The following NTPCR variants were observed in gnomAD, a reference collection of about 807,000 sequenced individuals.
NTPCR encodes the protein nucleoside-triphosphatase, cancer-related.
A neutral mutation model predicts 19.5 loss-of-function variants in NTPCR; 15 were observed. That is an observed-to-expected ratio of 0.77 (90% CI 0.51 to 1.18). The LOEUF is 1.18. Ranked by LOEUF, NTPCR falls within the 50% of genes most tolerant of loss-of-function variation. The probability of loss-of-function intolerance (pLI) is 0.00; values close to 1 mark genes in which losing one functional copy is unlikely to be tolerated. For missense variants in NTPCR, 206 were observed against 240.4 expected, an observed-to-expected ratio of 0.86 and a Z score of 0.95; for synonymous variants, 90 against 95.8, an observed-to-expected ratio of 0.94 and a Z score of 0.36.
At chr1:232,977,592 C>T (rs1394775263) in intron 4 of NTPCR, 1 of 152,402 alleles carries the variant, frequency 6.6e-6, no homozygotes, top group Non-Finnish European at 1.5e-5. Flanking sequence ...GGAGAACACA[C>T]TGCAGTCAGG....
intron 3 of NTPCR, chr1:232,962,458 A>G (rs1266899545): frequency 3.3e-5 from 5 of 152,164 alleles, no homozygotes; most frequent in African/African-American, 9.7e-5. Context: ...CTGTTTTCTA[A>G]TGATCAAGGC....
At chr1:232,960,368 G>C (rs1668637638) in intron 3 of NTPCR, among the ~76,000 whole-genome samples, 1 of 149,532 alleles carries the variant, frequency 6.7e-6, no homozygotes, top group South Asian at 2.1e-4. Flanking sequence ...TTTTGAGACA[G>C]AGTCTTGCTC....
Position 232,962,390 on chromosome 1 carries a change from G to A in NTPCR, c.294+5947G>A, listed in dbSNP as rs140676681. 2.5e-3 allele frequency: 376 copies of A among 152,256 alleles called. 4 individuals are homozygous for A. Among genetic ancestry groups the A allele is most frequent in the African/African-American group, 8.7e-3 (361 of 41,528 alleles). 9.4% of individuals were successfully genotyped at this position (152,256 alleles called of 1,614,324 possible). A position where few individuals can be genotyped will look rare whatever the true frequency, so the allele number is the denominator to read the frequency against. The stretch of plus-strand genomic sequence containing the variant: ...CTGTTTCTTTAAAATTTTTATTGGT[G>A]AGGTTATTCATAGGGCTCTCCTATT... On this transcript the variant is annotated intron_variant, in intron 3 of 4. Coordinates refer to ENST00000366628, the MANE Select transcript of NTPCR (RefSeq NM_032324.3).
chr1:232,983,868 G>A lies in NTPCR; in HGVS notation c.*5637G>A, dbSNP rs1367131326. On this transcript the variant is annotated 3_prime_UTR_variant, in exon 5 of 5. Transcript: ENST00000366628. ...TTTCATGGTAACAGTAATGTATAAA[G>A]TGCCGATGATGTAACATGCAGTTGT... The A allele has an allele frequency of 6.5e-6, 1 of 154,320 alleles. No homozygotes were observed. Among genetic ancestry groups the A allele is most frequent in the African/African-American group, 2.4e-5 (1 of 41,556 alleles). 9.6% of individuals were successfully genotyped at this position (154,320 alleles called of 1,614,324 possible).
At chr1:232,969,340 A>G (rs1430009198) in intron 3 of NTPCR, 1 of 155,048 alleles carries the variant, frequency 6.4e-6, no homozygotes, top group Non-Finnish European at 1.4e-5. Flanking sequence ...ACAACCAGAA[A>G]ATAAGTGGCA....
rs996741001 is a variant in NTPCR, at chr1:232,967,217, C to T, written c.295-2692C>T. On this transcript the variant is annotated intron_variant, in intron 3 of 4. Coordinates refer to ENST00000366628, the MANE Select transcript of NTPCR (RefSeq NM_032324.3). ...TTTATATAGAAATAAAACCATGTTA[C>T]ACGTTATAGTGGTTCTTTTTTTAAG... 14 of 152,224 alleles carry T rather than the reference C, an allele frequency of 9.2e-5. 1 individual carries two copies. The highest frequency in any genetic ancestry group is 3.1e-4 in the African/African-American group (13 of 41,446). The allele number at this position is 152,224 out of a possible 1,614,324, so 9.4% of individuals were successfully genotyped here.
chr1:232,952,613 CCAT>C (rs367949949), intron 1 of NTPCR, among the ~76,000 whole-genome samples: 6 of 152,194 alleles, frequency 3.9e-5, no homozygotes, highest in African/African-American at 1.2e-4. Flanking sequence ...CAGGCTCAAA[CCAT>C]CTTCCCACCT....
intron 4 of NTPCR, among the ~76,000 whole-genome samples, chr1:232,972,677 T>C (rs1484660823): frequency 1.3e-5 from 2 of 150,266 alleles, no homozygotes; most frequent in Non-Finnish European, 3.0e-5. Context: ...TCTGCCTGCC[T>C]CAGCCTCTCA....
chr1:232,955,518 T>A lies in NTPCR; in HGVS notation c.35-39T>A, dbSNP rs1042114640. On this transcript the variant is annotated intron_variant, in intron 1 of 4. Transcript: ENST00000366628. ...GCTCTAGTAAGGGAATGTTTCCTAA[T>A]GGGCTTTTCTTCTTTTTTTTTTTTT... 3.4e-6 allele frequency: 5 copies of A among 1,477,160 alleles called. No individual in the cohort carries two copies. The African/African-American group carries it at 4.3e-5, about 13-fold the overall frequency. The allele number at this position is 1,477,160 out of a possible 1,614,324, so 91.5% of individuals were successfully genotyped here.
intron 3 of NTPCR, among the ~76,000 whole-genome samples, chr1:232,959,627 A>T (rs918179181): frequency 4.6e-5 from 7 of 152,192 alleles, no homozygotes; most frequent in African/African-American, 1.7e-4. Context: ...GAGTATAAAC[A>T]CACCATTTTT....
chr1:232,969,568 GA>G (rs879258457), intron 3 of NTPCR: 12 of 222,754 alleles, frequency 5.4e-5, no homozygotes, highest in East Asian at 2.7e-4. Flanking sequence ...GGCTAAAGGG[GA>G]AAAAAAAGTA....
intron 3 of NTPCR, among the ~76,000 whole-genome samples, chr1:232,958,351 G>A (rs1668569604): frequency 6.6e-6 from 1 of 152,206 alleles, no homozygotes; most frequent in Admixed American, 6.5e-5. Flanking sequence ...ACATATGCCA[G>A]GCTGAGGCCC....
At chr1:232,974,614 AC>A (rs1401369803) in intron 4 of NTPCR, among the ~76,000 whole-genome samples, 5 of 152,228 alleles carry the variant, frequency 3.3e-5, no homozygotes, top group African/African-American at 9.6e-5. Flanking sequence ...ACCTCCTATT[AC>A]CTAGTAAAGC....
In NTPCR at chr1:232,955,965, C is replaced by T. The variant is rs950878850; in HGVS notation, c.197+246C>T. On this transcript the variant is annotated intron_variant, in intron 2 of 4. Coordinates refer to ENST00000366628, the MANE Select transcript of NTPCR (RefSeq NM_032324.3). ...CTCAGAGAAAGAAAACAGAATGAAA[C>T]CATCACATGAAAAAAGTATAAGAAA... Among the ~76,000 whole-genome samples the T allele has an allele frequency of 3.9e-5, 6 of 152,096 alleles. No individual in the cohort carries two copies. The East Asian group carries it at 1.2e-3, about 29-fold the overall frequency.
intron 3 of NTPCR, among the ~76,000 whole-genome samples, chr1:232,960,443 A>G (rs992660569): frequency 1.3e-5 from 2 of 151,402 alleles, no homozygotes; most frequent in Non-Finnish European, 2.9e-5. Flanking sequence ...TCCAGGGTTC[A>G]AGCGATTCTT....
In NTPCR at chr1:232,975,088, T is replaced by C. The variant is rs1669090278; in HGVS notation, c.505-3075T>C. Among the ~76,000 whole-genome samples, 2 of 152,260 alleles carry C rather than the reference T, an allele frequency of 1.3e-5. 1 individual carries two copies. Among genetic ancestry groups the C allele is most frequent in the South Asian group, 4.1e-4 (2 of 4,836 alleles). On this transcript the variant is annotated intron_variant, in intron 4 of 4. Coordinates refer to ENST00000366628, the MANE Select transcript of NTPCR (RefSeq NM_032324.3). ...TAATGTCATAACATTGAAAATGTTATCAACAACTTTAGTTCTTTTTCAAGC... is the reference window on the plus strand; with the variant it reads ...TAATGTCATAACATTGAAAATGTTACCAACAACTTTAGTTCTTTTTCAAGC...
chr1:232,969,879 T>C, intron 3 of NTPCR, 30 bp from the exon 4 acceptor site: 2 of 1,583,280 alleles, frequency 1.3e-6, no homozygotes, highest in Admixed American at 1.7e-5. Context: ...GTGACTCTGA[T>C]GTCCCAGTGA....
Position 232,978,548 on chromosome 1 carries a change from A to C in NTPCR, c.*317A>C. 4.7e-6 allele frequency: 1 copy of C among 214,172 alleles called. No individual in the cohort carries two copies. The highest frequency in any genetic ancestry group is 1.1e-4 in the East Asian group (1 of 9,388). The allele number at this position is 214,172 out of a possible 1,614,324, so 13.3% of individuals were successfully genotyped here. A position where few individuals can be genotyped will look rare whatever the true frequency, so the allele number is the denominator to read the frequency against. On this transcript the variant is annotated 3_prime_UTR_variant, in exon 5 of 5. Transcript: ENST00000366628. ...GTTTTCAGAGTATTAGATGGAATTC[A>C]CCCCCGTTGAAGTTTATAAATGTGT...
chr1:232,955,200 A>G (rs1243437858), intron 1 of NTPCR, among the ~76,000 whole-genome samples: 1 of 152,158 alleles, frequency 6.6e-6, no homozygotes, highest in African/African-American at 2.4e-5. Flanking sequence ...GGGCAGAAAA[A>G]TGGGAACTGT....
Sources: gnomAD v4.1 joint callset for allele counts (sites outside exome capture counted in the v4.1 genomes callset) on GRCh38, gnomAD v4.1.1 for gene constraint, MANE v1.5 for transcripts, NCBI Gene and HGNC (gene_info 2026-07-23, HGNC 2026-07-21) for gene names.